Variants in PPFIBP1 observed in about 807,000 individuals in gnomAD.
The protein encoded by PPFIBP1 is liprin-beta-1.
PPFIBP1 carries 112 observed loss-of-function variants against 137.8 expected under a neutral mutation model. That is an observed-to-expected ratio of 0.81 (90% CI 0.70 to 0.95). The LOEUF (loss-of-function observed/expected upper bound fraction) is 0.95, where lower values mean the gene tolerates loss of function less well. PPFIBP1 is among the 40% of genes least tolerant of loss of function. PPFIBP1 has a pLI of 0.00. For missense variants in PPFIBP1, 1,083 were observed against 1,196.6 expected, an observed-to-expected ratio of 0.91 and a Z score of 1.40; for synonymous variants, 378 against 417.3, an observed-to-expected ratio of 0.91 and a Z score of 1.15.
chr12:27,525,940 G>A (rs889820290), intron 1 of PPFIBP1, among the ~76,000 whole-genome samples: 3 of 152,158 alleles, frequency 2.0e-5, no homozygotes, highest in Admixed American at 6.5e-5. Context: ...AGGAAAATTC[G>A]CTTTATTGGA....
At chr12:27,662,720 A>G (rs1279422199) in intron 11 of PPFIBP1, among the ~76,000 whole-genome samples, 2 of 152,254 alleles carry the variant, frequency 1.3e-5, no homozygotes, top group East Asian at 1.9e-4. Context: ...AATTGTAGAT[A>G]TAGTCTATTC....
At chr12:27,619,919 CATAT>C (rs2138503928) in intron 2 of PPFIBP1, among the ~76,000 whole-genome samples, 1 of 151,540 alleles carries the variant, frequency 6.6e-6, no homozygotes, top group Non-Finnish European at 1.5e-5. Context: ...TATATATATA[CATAT>C]ATATTTACTA....
At chr12:27,674,991 GT>G (rs2060429850) in intron 17 of PPFIBP1, among the ~76,000 whole-genome samples, 1 of 133,390 alleles carries the variant, frequency 7.5e-6, no homozygotes, top group African/African-American at 2.8e-5. Flanking sequence ...TTTTTTTTTC[GT>G]TTGTTTTTTT....
At chr12:27,547,125 G>GTTATAAAGTA (rs1946311752) in intron 1 of PPFIBP1, 2 of 152,234 alleles carry the variant, frequency 1.3e-5, no homozygotes, top group African/African-American at 4.8e-5. Context: ...AGGATTTGAG[G>GTTATAAAGTA]TTATAAAGTA....
At chr12:27,620,347 T>C (rs933426888) in intron 2 of PPFIBP1, among the ~76,000 whole-genome samples, 39 of 152,208 alleles carry the variant, frequency 2.6e-4, no homozygotes, top group Admixed American at 3.9e-4. Flanking sequence ...CTACTAACCC[T>C]CTGGCTCACC....
intron 2 of PPFIBP1, among the ~76,000 whole-genome samples, chr12:27,605,129 AT>A (rs1358174339): frequency 3.3e-5 from 5 of 152,206 alleles, no homozygotes; most frequent in African/African-American, 1.2e-4. Context: ...CCCAGAAAGC[AT>A]TTATGGTGGC....
rs1341766840 is a variant in PPFIBP1 at position 27,673,845 on chromosome 12, T to A, written c.1380+18T>A. ...CTGATGGGGTGGGTTCTGTGTTTTT[T>A]GTTTTTTTTTGTCTGTTATCCTGAG... On this transcript the variant is annotated intron_variant, in intron 16 of 29. Coordinates refer to ENST00000228425, the MANE Select transcript of PPFIBP1 (RefSeq NM_003622.4). 1.3e-6 allele frequency: 2 copies of A among 1,586,018 alleles called. No homozygotes were observed. The highest frequency in any genetic ancestry group is 2.8e-5 in the African/African-American group (2 of 72,716).
At chr12:27,608,524 C>T (rs1206344300) in intron 2 of PPFIBP1, among the ~76,000 whole-genome samples, 1 of 152,006 alleles carries the variant, frequency 6.6e-6, no homozygotes, top group African/African-American at 2.4e-5. Flanking sequence ...CTGATTGTAC[C>T]AGAAAATAAA....
chr12:27,537,836 G>A (rs1228685211), intron 1 of PPFIBP1, among the ~76,000 whole-genome samples: 2 of 152,012 alleles, frequency 1.3e-5, no homozygotes, highest in African/African-American at 4.8e-5. Flanking sequence ...ATTCTTTGCT[G>A]TGGCAAAATC....
At chr12:27,656,054 A>G (rs1476037876) in intron 8 of PPFIBP1, among the ~76,000 whole-genome samples, 2 of 152,150 alleles carry the variant, frequency 1.3e-5, no homozygotes, top group Admixed American at 6.6e-5. Context: ...ATTTTTTCCC[A>G]TTGTTGTAGG....
At chr12:27,568,255 T>G (rs1014758482) in intron 1 of PPFIBP1, among the ~76,000 whole-genome samples, 2 of 152,196 alleles carry the variant, frequency 1.3e-5, no homozygotes, top group Non-Finnish European at 2.9e-5. Context: ...CACAGTAATC[T>G]TAGAAGTTAT....
At chr12:27,672,278 T>C in intron 14 of PPFIBP1, 149 bp from the exon 15 acceptor site, 2 of 659,344 alleles carry the variant, frequency 3.0e-6, no homozygotes, top group South Asian at 3.7e-5. Context: ...TGTCTAGTCT[T>C]ATTTTAGGCC....
rs763388632 is a variant in PPFIBP1, at chr12:27,680,028, T to G, written c.1862T>G (p.Leu621Ter). 1 of 1,614,098 alleles carries G rather than the reference T, an allele frequency of 6.2e-7. No individual in the cohort carries two copies. The highest frequency in any genetic ancestry group is 8.5e-7 in the Non-Finnish European group (1 of 1,179,974). The change falls in exon 21 of 30, where the codon TTA becomes TGA. Residue 621 changes from leucine (L) to a stop codon, truncating the protein, a stop_gained. Transcript: ENST00000228425. LOFTEE classifies it high-confidence loss of function. ...GGTRATAGPRLGWSRDLGQSN... is the reference protein window; with the variant it reads ...GGTRATAGPR ...ACAAGGGCAACCGCGGGGCCCCGATTAGGTTGGTCTCGAGACTTGGGACAG... is the reference window on the plus strand; with the variant it reads ...ACAAGGGCAACCGCGGGGCCCCGATGAGGTTGGTCTCGAGACTTGGGACAG...
At chr12:27,629,853 GGTC>G (rs1336590372) in intron 2 of PPFIBP1, among the ~76,000 whole-genome samples, 1 of 152,052 alleles carries the variant, frequency 6.6e-6, no homozygotes, top group East Asian at 1.9e-4. Flanking sequence ...AAATATGGAT[GGTC>G]TATTCTTAGT....
chr12:27,635,813 G>T (rs1277234900), intron 4 of PPFIBP1: 1 of 152,252 alleles, frequency 6.6e-6, no homozygotes, highest in Admixed American at 6.5e-5. Context: ...AATTGAAGAT[G>T]TGGCAGAGCT....
intron 12 of PPFIBP1, among the ~76,000 whole-genome samples, chr12:27,664,978 A>G (rs558126241): frequency 4.7e-4 from 72 of 152,188 alleles, no homozygotes; most frequent in Non-Finnish European, 7.5e-4. Context: ...ACCCAAGGTC[A>G]GGAGTTAGAG....
chr12:27,533,013 T>C (rs1320955504), intron 1 of PPFIBP1, among the ~76,000 whole-genome samples: 1 of 152,126 alleles, frequency 6.6e-6, no homozygotes, highest in African/African-American at 2.4e-5. Flanking sequence ...AAAGTTAATT[T>C]TCTTTTAAAG....
chr12:27,613,654 G>A (rs983823993), intron 2 of PPFIBP1, among the ~76,000 whole-genome samples: 1 of 148,578 alleles, frequency 6.7e-6, no homozygotes, highest in South Asian at 2.1e-4. Flanking sequence ...CATGAGCCCA[G>A]ATCTCGCCAC....
Position 27,579,887 on chromosome 12 carries a change from G to C in PPFIBP1, c.-36+1648G>C, listed in dbSNP as rs137956879. 7.7e-3 allele frequency among the ~76,000 whole-genome samples: 1,174 copies of C among 152,310 alleles called. 21 individuals are homozygous for C. The highest frequency in any genetic ancestry group is 0.027 in the African/African-American group (1,106 of 41,564). ...GAAGATGTTTTTGTAGATTACTCTT[G>C]TGGGGTGTGGCCAGGTGGAAGCCCT... is the stretch of plus-strand genomic sequence containing the variant. On this transcript the variant is annotated intron_variant, in intron 2 of 29. Transcript: ENST00000228425.
Sources: allele counts gnomAD v4.1 joint callset (sites outside exome capture counted in the v4.1 genomes callset), GRCh38; gene constraint gnomAD v4.1.1; transcripts MANE v1.5; gene names NCBI Gene and HGNC (gene_info 2026-07-23, HGNC 2026-07-21).